GALNTL6: variants seen among roughly 807,000 people sequenced by gnomAD.
GALNTL6 encodes polypeptide N-acetylgalactosaminyltransferase-like 6.
In GALNTL6, 46 loss-of-function variants were observed where a neutral mutation model predicts 73.7. That is an observed-to-expected ratio of 0.62 (90% CI 0.49 to 0.80). The LOEUF (loss-of-function observed/expected upper bound fraction) is 0.80, where lower values mean the gene tolerates loss of function less well. GALNTL6 is among the 30% of genes least tolerant of loss of function. The pLI is 0.00. For missense variants in GALNTL6, 604 were observed against 755.0 expected (o/e 0.80, Z 2.34); for synonymous variants, 259 against 263.7 (o/e 0.98, Z 0.17).
chr4:172,492,381 A>G (rs979436917), intron 5 of GALNTL6, among the ~76,000 whole-genome samples: 4 of 152,100 alleles, frequency 2.6e-5, no homozygotes, highest in African/African-American at 7.2e-5. Context: ...TCAAAATCCA[A>G]TTTATCTCTA....
At chr4:172,581,990 G>A (rs1407837958) in intron 5 of GALNTL6, among the ~76,000 whole-genome samples, 1 of 152,184 alleles carries the variant, frequency 6.6e-6, no homozygotes, top group Non-Finnish European at 1.5e-5. Context: ...TTGGATGTCT[G>A]TACTCACATA....
intron 5 of GALNTL6, among the ~76,000 whole-genome samples, chr4:172,763,514 A>G (rs1297030599): frequency 1.3e-5 from 2 of 152,232 alleles, no homozygotes; most frequent in Non-Finnish European, 2.9e-5. Context: ...CAGTTTTTCT[A>G]TTAAGCGTTC....
chr4:172,351,181 G>GTCTGTCTGTCTATCTA (rs139731159), intron 5 of GALNTL6, among the ~76,000 whole-genome samples: 100 of 122,604 alleles, frequency 8.2e-4, no homozygotes, highest in African/African-American at 2.2e-3. Flanking sequence ...ACAATAATCT[G>GTCTGTCTGTCTATCTA]TCTATCTATC....
intron 3 of GALNTL6, among the ~76,000 whole-genome samples, chr4:172,258,494 C>T (rs1390359600): frequency 1.3e-5 from 2 of 151,268 alleles, no homozygotes; most frequent in African/African-American, 2.4e-5. Context: ...TACATCATCA[C>T]TTCAATTACT....
intron 2 of GALNTL6, among the ~76,000 whole-genome samples, chr4:171,995,137 G>A (rs778889968): frequency 1.4e-4 from 22 of 151,792 alleles, no homozygotes; most frequent in Non-Finnish European, 3.1e-4. Context: ...ATATGCTGAT[G>A]GGATTGTAAT....
intron 5 of GALNTL6, among the ~76,000 whole-genome samples, chr4:172,523,767 C>T (rs1006958987): frequency 6.6e-6 from 1 of 152,140 alleles, no homozygotes; most frequent in Non-Finnish European, 1.5e-5. Flanking sequence ...ATTATCTTCT[C>T]ATGCTCCATT....
At chr4:172,977,082 T>G (rs553101825) in intron 10 of GALNTL6, among the ~76,000 whole-genome samples, 2 of 152,242 alleles carry the variant, frequency 1.3e-5, no homozygotes, top group Non-Finnish European at 2.9e-5. Flanking sequence ...ATCCATATCA[T>G]CAGCACATTC....
intron 8 of GALNTL6, among the ~76,000 whole-genome samples, chr4:172,899,437 T>G (rs1232142383): frequency 2.6e-5 from 4 of 152,126 alleles, no homozygotes; most frequent in African/African-American, 9.7e-5. Flanking sequence ...TTTTTGTAGA[T>G]GCATTTTTAG....
intron 2 of GALNTL6, among the ~76,000 whole-genome samples, chr4:172,141,694 C>T (rs1021089665): frequency 6.6e-6 from 1 of 151,756 alleles, no homozygotes; most frequent in Non-Finnish European, 1.5e-5. Context: ...TAGAGCTAAT[C>T]AGGTGTCAGT....
intron 2 of GALNTL6, among the ~76,000 whole-genome samples, chr4:172,161,282 C>T (rs1292516650): frequency 5.3e-5 from 8 of 151,590 alleles, no homozygotes; most frequent in Non-Finnish European, 1.2e-4. Context: ...TATATGAATA[C>T]CTTTATGTAT....
chr4:172,734,642 G>C (rs910524863), intron 5 of GALNTL6, among the ~76,000 whole-genome samples: 5 of 152,178 alleles, frequency 3.3e-5, no homozygotes, highest in Non-Finnish European at 5.9e-5. Context: ...AGGATACAGA[G>C]CACCTCCTGG....
chr4:172,331,418 A>C (rs900745677), intron 4 of GALNTL6, among the ~76,000 whole-genome samples: 27 of 152,260 alleles, frequency 1.8e-4, no homozygotes, highest in African/African-American at 5.8e-4. Context: ...TCTTAGAAGT[A>C]AATTTTTAAG....
At chr4:172,404,115 T>C (rs1417454022) in intron 5 of GALNTL6, among the ~76,000 whole-genome samples, 1 of 152,024 alleles carries the variant, frequency 6.6e-6, no homozygotes, top group Non-Finnish European at 1.5e-5. Context: ...TATATATACA[T>C]ACCCTTAGTT....
chr4:172,431,450 C>T (rs893396423), intron 5 of GALNTL6, among the ~76,000 whole-genome samples: 3 of 151,874 alleles, frequency 2.0e-5, no homozygotes, highest in African/African-American at 7.3e-5. Context: ...CTATTTACAC[C>T]CCTTAATTAG....
At chr4:172,414,085 T>C (rs1744537736) in intron 5 of GALNTL6, among the ~76,000 whole-genome samples, 1 of 152,118 alleles carries the variant, frequency 6.6e-6, no homozygotes, top group African/African-American at 2.4e-5. Flanking sequence ...ATTTGTTTCC[T>C]CACAATTAAT....
chr4:171,928,702 A>G (rs927876585), intron 2 of GALNTL6, among the ~76,000 whole-genome samples: 10 of 152,124 alleles, frequency 6.6e-5, no homozygotes, highest in Non-Finnish European at 1.5e-5. Context: ...TCCCCTTTCT[A>G]TGTTTAGATA....
chr4:171,907,286 CT>C (rs1737316226), intron 2 of GALNTL6, among the ~76,000 whole-genome samples: 3 of 152,192 alleles, frequency 2.0e-5, no homozygotes, highest in African/African-American at 7.2e-5. Flanking sequence ...TGATAAGCAA[CT>C]TCAGCAAAGT....
At chr4:172,904,270 A>ACAT (rs1357022977) in intron 8 of GALNTL6, among the ~76,000 whole-genome samples, 1 of 152,190 alleles carries the variant, frequency 6.6e-6, no homozygotes, top group African/African-American at 2.4e-5. Flanking sequence ...TGTAACATGG[A>ACAT]CATCATTCAA....
chr4:172,350,068 A>G (rs1741890755), intron 5 of GALNTL6, among the ~76,000 whole-genome samples: 1 of 152,128 alleles, frequency 6.6e-6, no homozygotes, highest in Admixed American at 6.5e-5. Flanking sequence ...CAGGCTAAAG[A>G]TAGGTACTTA....
Sources: gnomAD v4.1 joint callset for allele counts (sites outside exome capture counted in the v4.1 genomes callset) on GRCh38, gnomAD v4.1.1 for gene constraint, MANE v1.5 for transcripts, NCBI Gene and HGNC (gene_info 2026-07-23, HGNC 2026-07-21) for gene names.